SPINK1: variants seen among roughly 807,000 people sequenced by gnomAD.
SPINK1 encodes serine protease inhibitor Kazal-type 1.
A neutral mutation model predicts 9.5 loss-of-function variants in SPINK1; 5 were observed. That is an observed-to-expected ratio of 0.52 (90% CI 0.27 to 1.10). SPINK1 has a LOEUF of 1.10. Among genes scored for constraint, SPINK1 ranks in the 50% least tolerant of loss-of-function variants. SPINK1 has a pLI of 0.11. For synonymous variants in SPINK1, 37 were observed against 32.3 expected, an observed-to-expected ratio of 1.14 and a Z score of -0.49; for missense variants, 88 against 92.7, an observed-to-expected ratio of 0.95 and a Z score of 0.21.
upstream of SPINK1, among the ~76,000 whole-genome samples, chr5:147,834,352 C>T (rs137973424): frequency 7.2e-3 from 1,100 of 152,202 alleles, 12 homozygotes; most frequent in African/African-American, 0.025. Context: ...GTTCACCATT[C>T]GGCCTTTTAT....
intron 2 of SPINK1, 58 bp from the exon 3 acceptor site, chr5:147,828,186 C>T: frequency 7.6e-7 from 1 of 1,312,646 alleles, no homozygotes; most frequent in Non-Finnish European, 1.1e-6. Flanking sequence ...GAGTTCATAG[C>T]AAAATCTCTG....
At chr5:147,831,820 A>C, upstream of SPINK1, 1 of 1,377,334 alleles carries the variant, frequency 7.3e-7, no homozygotes, top group Non-Finnish European at 9.4e-7. Context: ...TGCAAGGCAA[A>C]GATTCTGTCA....
chr5:147,835,425 G>A (rs541251831), upstream of SPINK1, among the ~76,000 whole-genome samples: 2 of 152,056 alleles, frequency 1.3e-5, no homozygotes, highest in Admixed American at 6.5e-5. Context: ...TGTTTGCCCC[G>A]GGAGATGAGG....
chr5:147,825,232 A>C (rs541343660), intron 3 of SPINK1, among the ~76,000 whole-genome samples: 1 of 152,122 alleles, frequency 6.6e-6, no homozygotes, highest in Non-Finnish European at 1.5e-5. Context: ...TTCGCCCCAC[A>C]CTACCATTAC....
chr5:147,832,532 T>C (rs1668756232), upstream of SPINK1, among the ~76,000 whole-genome samples: 1 of 152,186 alleles, frequency 6.6e-6, no homozygotes, highest in Non-Finnish European at 1.5e-5. Flanking sequence ...AAAGTTAATA[T>C]CTCCTTCTAG....
At chr5:147,829,016 A>G (rs990769273) in intron 2 of SPINK1, among the ~76,000 whole-genome samples, 8 of 152,242 alleles carry the variant, frequency 5.3e-5, no homozygotes, top group Middle Eastern at 3.4e-3. Context: ...CACAAATGTA[A>G]TATTGCATTC....
chr5:147,838,714 T>C, the SPINK1 span, among the ~76,000 whole-genome samples: 1 of 152,210 alleles, frequency 6.6e-6, no homozygotes, highest in African/African-American at 2.4e-5. Flanking sequence ...TTCAAATCTT[T>C]GGTTTAGAGT....
chr5:147,825,731 A>G (rs986065599), intron 3 of SPINK1, among the ~76,000 whole-genome samples: 3 of 152,176 alleles, frequency 2.0e-5, no homozygotes, highest in Non-Finnish European at 4.4e-5. Flanking sequence ...ATGAGCCACC[A>G]TGCCCAGCCA....
chr5:147,829,381 G>GACT (rs1296569834), intron 2 of SPINK1, among the ~76,000 whole-genome samples: 1 of 152,126 alleles, frequency 6.6e-6, no homozygotes, highest in Non-Finnish European at 1.5e-5. Flanking sequence ...AGCACTGTAG[G>GACT]ACTATATGGA....
intron 2 of SPINK1, 131 bp from the exon 3 acceptor site, chr5:147,828,259 G>T: frequency 1.3e-6 from 1 of 778,692 alleles, no homozygotes; most frequent in Non-Finnish European, 2.2e-6. Flanking sequence ...TGTTGTAAGA[G>T]AAATAACCTA....
intron 3 of SPINK1, 36 bp downstream of exon 3, chr5:147,827,986 A>T (rs954644567): frequency 1.3e-6 from 2 of 1,493,212 alleles, no homozygotes; most frequent in African/African-American, 2.8e-5. Context: ...CTAACTTAAA[A>T]TATATAGTTT....
chr5:147,837,290 C>T, the SPINK1 span, among the ~76,000 whole-genome samples: 1 of 152,228 alleles, frequency 6.6e-6, no homozygotes, highest in South Asian at 2.1e-4. Flanking sequence ...ACAGATTTTG[C>T]TGTCAAATGA....
At chr5:147,827,192 T>C in intron 3 of SPINK1, 1 of 152,322 alleles carries the variant, frequency 6.6e-6, no homozygotes, top group Non-Finnish European at 1.5e-5. Flanking sequence ...TTCTTCTGCC[T>C]CAGCCTCCTG....
At chr5:147,826,212 G>A (rs1756401204) in intron 3 of SPINK1, among the ~76,000 whole-genome samples, 1 of 152,146 alleles carries the variant, frequency 6.6e-6, no homozygotes, top group Admixed American at 6.6e-5. Context: ...CCCTTGTTTG[G>A]TATTATCTAC....
upstream of SPINK1, among the ~76,000 whole-genome samples, chr5:147,834,562 A>T (rs1465313149): frequency 1.3e-5 from 2 of 152,184 alleles, no homozygotes; most frequent in African/African-American, 4.8e-5. Context: ...TTATTTAAAT[A>T]GTAGTTTTGT....
chr5:147,838,692 C>T, the SPINK1 span, among the ~76,000 whole-genome samples: 1 of 152,132 alleles, frequency 6.6e-6, no homozygotes, highest in East Asian at 1.9e-4. Flanking sequence ...CTCTTGAGAG[C>T]ATAGCCATTA....
chr5:147,835,836 G>C (rs1056811834), upstream of SPINK1, among the ~76,000 whole-genome samples: 1 of 152,110 alleles, frequency 6.6e-6, no homozygotes, highest in Non-Finnish European at 1.5e-5. Flanking sequence ...AGACCTCCTT[G>C]ACATAGCTGC....
upstream of SPINK1, among the ~76,000 whole-genome samples, chr5:147,836,039 C>T (rs1469267776): frequency 1.3e-5 from 2 of 151,992 alleles, no homozygotes; most frequent in South Asian, 2.1e-4. Flanking sequence ...TACTCACTTT[C>T]CTTTGCCTCT....
intron 3 of SPINK1, among the ~76,000 whole-genome samples, chr5:147,825,443 C>CT (rs1554089634): frequency 8.1e-6 from 1 of 124,036 alleles, no homozygotes; most frequent in East Asian, 2.3e-4. Flanking sequence ...TTCTTTTTTT[C>CT]TTTTTTTTCT....
Sources: gnomAD v4.1 joint callset for allele counts (sites outside exome capture counted in the v4.1 genomes callset) on GRCh38, gnomAD v4.1.1 for gene constraint, MANE v1.5 for transcripts, NCBI Gene and HGNC (gene_info 2026-07-23, HGNC 2026-07-21) for gene names.